Variants in GLCCI1 observed in about 807,000 individuals in gnomAD.
The protein encoded by GLCCI1 is glucocorticoid induced 1, also known as glucocorticoid-induced transcript 1 protein.
Under a neutral mutation model 52.2 loss-of-function variants are expected in GLCCI1, and 24 were observed. The observed-to-expected ratio is 0.46, with a 90% CI of 0.33 to 0.65. The LOEUF (loss-of-function observed/expected upper bound fraction) is 0.65. Among genes scored for constraint, GLCCI1 ranks in the 30% least tolerant of loss-of-function variants. GLCCI1 has a pLI of 0.02. For synonymous variants in GLCCI1, 310 were observed against 276.5 expected, an observed-to-expected ratio of 1.12 and a Z score of -1.20; for missense variants, 704 against 701.5, an observed-to-expected ratio of 1.00 and a Z score of -0.04.
intron 5 of GLCCI1, among the ~76,000 whole-genome samples, chr7:8,064,314 T>A (rs1782583607): frequency 6.6e-6 from 1 of 152,242 alleles, no homozygotes; most frequent in South Asian, 2.1e-4. Context: ...TTCAGTCTTC[T>A]GCATATAGCT....
chr7:8,073,527 G>T (rs1782810293), intron 6 of GLCCI1, among the ~76,000 whole-genome samples: 1 of 151,804 alleles, frequency 6.6e-6, no homozygotes, highest in African/African-American at 2.4e-5. Context: ...TATGTAAAAT[G>T]AGAACATTGG....
chr7:8,023,818 C>T (rs1250896820), intron 3 of GLCCI1, among the ~76,000 whole-genome samples: 1 of 151,584 alleles, frequency 6.6e-6, no homozygotes, highest in South Asian at 2.1e-4. Flanking sequence ...AGGCTAGTCT[C>T]GAACTCCTGA....
chr7:8,023,761 G>T (rs577688813), intron 3 of GLCCI1, among the ~76,000 whole-genome samples: 17 of 151,616 alleles, frequency 1.1e-4, no homozygotes, highest in African/African-American at 4.1e-4. Flanking sequence ...ACCATGTCCA[G>T]CTAATTTTTG....
intron 3 of GLCCI1, among the ~76,000 whole-genome samples, chr7:8,039,768 G>A (rs188082766): frequency 1.3e-5 from 2 of 152,254 alleles, no homozygotes. Context: ...AGGCCACGCG[G>A]GGTGGATCAC....
intron 5 of GLCCI1, among the ~76,000 whole-genome samples, chr7:8,067,753 C>A (rs974866591): frequency 2.0e-5 from 3 of 152,176 alleles, no homozygotes; most frequent in African/African-American, 4.8e-5. Context: ...GGTGGGTGAC[C>A]TGCCTATTCT....
intron 3 of GLCCI1, among the ~76,000 whole-genome samples, chr7:8,050,611 A>G (rs1025023977): frequency 6.6e-6 from 1 of 152,196 alleles, no homozygotes; most frequent in African/African-American, 2.4e-5. Flanking sequence ...ACTTGAGTTA[A>G]TATCTTCAGT....
intron 5 of GLCCI1, among the ~76,000 whole-genome samples, chr7:8,069,199 CCCTTGTCT>C (rs1366754224): frequency 2.0e-5 from 3 of 152,042 alleles, no homozygotes; most frequent in Non-Finnish European, 4.4e-5. Flanking sequence ...GAGGGCCTTT[CCCTTGTCT>C]CTGGGGTCCA....
intron 4 of GLCCI1, among the ~76,000 whole-genome samples, chr7:8,058,433 A>T (rs969624304): frequency 3.3e-5 from 5 of 152,206 alleles, no homozygotes; most frequent in Admixed American, 2.6e-4. Flanking sequence ...AGCAGGGCCC[A>T]TTAATAGAAA....
In GLCCI1 at chr7:8,039,313, ATTCACGGTAGCAAAGATAAGGAATTAAG is replaced by A. The variant is rs1242642544; in HGVS notation, c.697-16090_697-16063del. On this transcript the variant is annotated intron_variant, in intron 3 of 7. Coordinates refer to ENST00000223145, the MANE Select transcript of GLCCI1 (RefSeq NM_138426.4). ...CCACTCACATGTTTATTACAACACTATTCACGGTAGCAAAGATAAGGAATTAAGTTCACGGTAGCAAAGATAAGGAATT... is the reference window on the plus strand; with the variant it reads ...CCACTCACATGTTTATTACAACACTATTCACGGTAGCAAAGATAAGGAATT... Among the ~76,000 whole-genome samples, 12 of 152,298 alleles carry A rather than the reference ATTCACGGTAGCAAAGATAAGGAATTAAG, an allele frequency of 7.9e-5. No individual in the cohort carries two copies. The South Asian group carries it at 1.0e-3, about 13-fold the overall frequency.
chr7:7,994,862 A>G (rs1181203549), intron 1 of GLCCI1, among the ~76,000 whole-genome samples: 1 of 152,180 alleles, frequency 6.6e-6, no homozygotes, highest in Admixed American at 6.5e-5. Flanking sequence ...ATAGATATAC[A>G]TAGAGATACA....
chr7:8,068,042 C>T (rs528794858), intron 5 of GLCCI1, among the ~76,000 whole-genome samples: 1 of 152,142 alleles, frequency 6.6e-6, no homozygotes, highest in South Asian at 2.1e-4. Flanking sequence ...TTTGTTCATT[C>T]TTTTTTATTC....
intron 2 of GLCCI1, among the ~76,000 whole-genome samples, chr7:8,011,443 A>C (rs1781259963): frequency 6.6e-6 from 1 of 152,186 alleles, no homozygotes; most frequent in Non-Finnish European, 1.5e-5. Flanking sequence ...TAATGATTTC[A>C]GGATTTGACA....
At chr7:8,068,396 A>G (rs905903549) in intron 5 of GLCCI1, among the ~76,000 whole-genome samples, 2 of 152,220 alleles carry the variant, frequency 1.3e-5, no homozygotes, top group African/African-American at 4.8e-5. Flanking sequence ...ACCAGTCTTC[A>G]AGCTCTGAGA....
chr7:7,995,773 G>A (rs1409225384), intron 1 of GLCCI1, among the ~76,000 whole-genome samples: 2 of 152,086 alleles, frequency 1.3e-5, no homozygotes, highest in African/African-American at 4.8e-5. Context: ...AGTGGGGAGG[G>A]ATAGCATTAG....
intron 2 of GLCCI1, among the ~76,000 whole-genome samples, chr7:8,020,592 A>G (rs1315003794): frequency 6.6e-6 from 1 of 152,166 alleles, no homozygotes; most frequent in African/African-American, 2.4e-5. Flanking sequence ...TAAGTTGGAG[A>G]TACAGTATAT....
rs1178149610 is a variant in GLCCI1, at chr7:7,969,763, G to A, written c.413G>A (p.Ser138Asn). 1 of 1,482,772 alleles carries A rather than the reference G, an allele frequency of 6.7e-7. No individual in the cohort carries two copies. The highest frequency in any genetic ancestry group is 8.9e-7 in the Non-Finnish European group (1 of 1,120,932). The allele number at this position is 1,482,772 out of a possible 1,614,324, so 91.9% of individuals were successfully genotyped here. A position where few individuals can be genotyped will look rare whatever the true frequency, so the allele number is the denominator to read the frequency against. The change falls in exon 1 of 8, where the codon AGC (serine) becomes AAC (asparagine). Residue 138 changes from serine to asparagine, a missense_variant. By Grantham distance (46) the Ser-to-Asn change is conservative (BLOSUM62 1). Transcript: ENST00000223145. The surrounding 1 kb of genome is among the most constrained non-coding windows in gnomAD (Gnocchi z 4.9). The part of the protein sequence containing the change: ...PRRSPESHRR[S>N]SSPERRSPGS... ...CGGTCCCCAGAGAGCCACCGGAGGA[G>A]CAGCTCACCTGAGAGACGGAGCCCC...
At chr7:7,975,370 A>G (rs1780442557) in intron 1 of GLCCI1, among the ~76,000 whole-genome samples, 1 of 152,190 alleles carries the variant, frequency 6.6e-6, no homozygotes, top group South Asian at 2.1e-4. Context: ...GACTTCCCCT[A>G]TACTATGCTG....
At chr7:8,011,058 G>T (rs1190802908) in intron 2 of GLCCI1, among the ~76,000 whole-genome samples, 1 of 151,978 alleles carries the variant, frequency 6.6e-6, no homozygotes, top group Admixed American at 6.6e-5. Context: ...GGTGGAGGTT[G>T]CAGTGAGCCG....
intron 3 of GLCCI1, among the ~76,000 whole-genome samples, chr7:8,036,920 A>T (rs945577157): frequency 6.6e-6 from 1 of 152,206 alleles, no homozygotes; most frequent in Admixed American, 6.5e-5. Flanking sequence ...AAACCTTGTC[A>T]TAGGGAGAAG....
Sources: gnomAD v4.1 joint callset for allele counts (sites outside exome capture counted in the v4.1 genomes callset) on GRCh38, gnomAD v4.1.1 for gene constraint, Gnocchi (gnomAD v3.1) non-coding constraint, MANE v1.5 for transcripts, NCBI Gene and HGNC (gene_info 2026-07-23, HGNC 2026-07-21) for gene names.